The following PCDH15 variants were observed in gnomAD, a reference collection of about 807,000 sequenced individuals.
PCDH15 encodes the protein protocadherin related 15, also known as protocadherin-15.
A neutral mutation model predicts 178.5 loss-of-function variants in PCDH15; 129 were observed. The observed-to-expected ratio is 0.72, with a 90% CI of 0.63 to 0.84. The LOEUF (loss-of-function observed/expected upper bound fraction) is 0.84. PCDH15 is among the 40% of genes least tolerant of loss of function. The probability of loss-of-function intolerance (pLI) is 0.00; values close to 1 mark genes in which losing one functional copy is unlikely to be tolerated. For synonymous variants in PCDH15, 800 were observed against 732.0 expected (o/e 1.09, Z -1.50); for missense variants, 2,230 against 2,099.9 (o/e 1.06, Z -1.21).
At chr10:54,331,833 G>A (rs897545731) in intron 6 of PCDH15, among the ~76,000 whole-genome samples, 3 of 151,962 alleles carry the variant, frequency 2.0e-5, no homozygotes, top group Admixed American at 6.6e-5. Context: ...CTCTAAATGA[G>A]ATGAGTCTTG....
chr10:55,534,868 G>A (rs1222937235), intron 2 of PCDH15, among the ~76,000 whole-genome samples: 2 of 151,992 alleles, frequency 1.3e-5, no homozygotes, highest in Non-Finnish European at 2.9e-5. Flanking sequence ...ATGCACCATG[G>A]ACTACTACAC....
At chr10:53,857,017 G>A (rs781502932) in intron 28 of PCDH15, among the ~76,000 whole-genome samples, 158 bp downstream of exon 28, 8 of 151,988 alleles carry the variant, frequency 5.3e-5, no homozygotes, top group Non-Finnish European at 1.0e-4. Flanking sequence ...CACTATTTGG[G>A]TGGTTGGCAC....
At chr10:54,759,229 T>C (rs1947553499) in intron 1 of PCDH15, among the ~76,000 whole-genome samples, 1 of 152,214 alleles carries the variant, frequency 6.6e-6, no homozygotes. Context: ...AAATTATTTT[T>C]AGAAGTGTTC....
At chr10:55,406,560 G>A (rs966154909) in intron 2 of PCDH15, among the ~76,000 whole-genome samples, 36 of 152,176 alleles carry the variant, frequency 2.4e-4, no homozygotes, top group Admixed American at 9.2e-4. Flanking sequence ...ATCAGATGAG[G>A]TGGAGACAAT....
At chr10:55,530,780 T>A (rs1841435184) in intron 2 of PCDH15, among the ~76,000 whole-genome samples, 1 of 152,102 alleles carries the variant, frequency 6.6e-6, no homozygotes, top group South Asian at 2.1e-4. Flanking sequence ...TCTAAATATA[T>A]TTAATTAAAT....
At chr10:55,203,410 G>A (rs907692631) in intron 1 of PCDH15, among the ~76,000 whole-genome samples, 4 of 151,874 alleles carry the variant, frequency 2.6e-5, no homozygotes, top group Admixed American at 1.3e-4. Context: ...ATAATGCTAC[G>A]TGGAGAGTCC....
In PCDH15 at chr10:54,056,708, C is replaced by CA. The variant is rs569840622; in HGVS notation, c.2220+10048dup. Among the ~76,000 whole-genome samples the CA allele has an allele frequency of 1.1e-3, 175 of 152,222 alleles. 3 individuals carry two copies. The highest frequency in any genetic ancestry group is 3.4e-3 in the Middle Eastern group (1 of 294). On this transcript the variant is annotated intron_variant, in intron 18 of 37. Transcript: ENST00000644397. ...ATCCCATGTCCTCACATTTCAAAAC[C>CA]AATCATGCCTTCCAAAAGCCACCCA...
intron 20 of PCDH15, among the ~76,000 whole-genome samples, chr10:54,002,660 A>C (rs765171832): frequency 9.2e-5 from 14 of 152,346 alleles, no homozygotes; most frequent in Admixed American, 5.9e-4. Context: ...GAAAATACAA[A>C]GTATCAAAAC....
intron 1 of PCDH15, among the ~76,000 whole-genome samples, chr10:55,252,258 G>A (rs750353037): frequency 6.6e-6 from 1 of 151,856 alleles, no homozygotes; most frequent in Non-Finnish European, 1.5e-5. Flanking sequence ...GTATTTTCTC[G>A]GGCAACAGAT....
chr10:54,460,120 C>A (rs1246452183), intron 3 of PCDH15, among the ~76,000 whole-genome samples: 1 of 152,036 alleles, frequency 6.6e-6, no homozygotes, highest in Non-Finnish European at 1.5e-5. Context: ...TGAACTAAAA[C>A]AGAAGAATAA....
chr10:54,969,779 T>A lies in PCDH15; in HGVS notation c.-79-72279A>T, dbSNP rs191535366. On this transcript the variant is annotated intron_variant, in intron 2 of 5. Transcript: ENST00000458638. The stretch of plus-strand genomic sequence containing the variant: ...GTTCACTTCATTTGTCTCTCCTCTC[T>A]AAAGGAACACTGTTCTGATAACCAA... Among the ~76,000 whole-genome samples the A allele has an allele frequency of 8.1e-4, 123 of 152,334 alleles. 1 individual carries two copies. The highest frequency in any genetic ancestry group is 1.2e-3 in the Non-Finnish European group (80 of 68,022).
At chr10:55,244,494 G>A (rs537792989) in intron 1 of PCDH15, among the ~76,000 whole-genome samples, 37 of 151,812 alleles carry the variant, frequency 2.4e-4, no homozygotes, top group Non-Finnish European at 4.3e-4. Flanking sequence ...TATGGAATTC[G>A]TATCTCTGAA....
chr10:53,817,509 TC>T (rs2076104102), intron 34 of PCDH15, among the ~76,000 whole-genome samples: 1 of 150,344 alleles, frequency 6.7e-6, no homozygotes, highest in Non-Finnish European at 1.5e-5. Flanking sequence ...GTTTTTTTTT[TC>T]TTTTTCTTTT....
rs898757059 is a variant in PCDH15, at chr10:55,519,249, T to G, written c.-156+108376A>C. On this transcript the variant is annotated intron_variant, in intron 2 of 5. Coordinates refer to the PCDH15 transcript ENST00000613346. ...CATGTTTCTCTCCTCTTTCTTTAAT[T>G]TTTACAGATCACCCTCCAGCGAATT... 7.3e-5 allele frequency among the ~76,000 whole-genome samples: 11 copies of G among 150,186 alleles called. 1 individual carries two copies. The highest frequency in any genetic ancestry group is 4.0e-4 in the Admixed American group (6 of 15,042).
intron 1 of PCDH15, among the ~76,000 whole-genome samples, chr10:55,195,486 CAA>C (rs34476628): frequency 0.26 from 29,621 of 115,196 alleles, 3,467 homozygotes; most frequent in Non-Finnish European, 0.3. Context: ...ACTAAAAATA[CAA>C]AAAAAAAAAA....
intron 2 of PCDH15, among the ~76,000 whole-genome samples, chr10:54,539,784 A>G (rs1157696427): frequency 6.6e-6 from 1 of 152,204 alleles, no homozygotes; most frequent in African/African-American, 2.4e-5. Context: ...ACAAGTCTCA[A>G]AGAAATCAAA....
chr10:54,044,099 G>C (rs1042330715), intron 18 of PCDH15, among the ~76,000 whole-genome samples: 3 of 152,076 alleles, frequency 2.0e-5, no homozygotes, highest in Admixed American at 2.0e-4. Context: ...AGGAGGACAT[G>C]ACTGAGGATA....
At chr10:54,364,717 AT>A (rs1174498538) in intron 5 of PCDH15, among the ~76,000 whole-genome samples, 3 of 152,044 alleles carry the variant, frequency 2.0e-5, no homozygotes, top group Non-Finnish European at 2.9e-5. Flanking sequence ...AATTAATATA[AT>A]TTACTCTCAC....
chr10:54,915,558 C>T (rs1053816281), intron 2 of PCDH15, among the ~76,000 whole-genome samples: 1 of 152,088 alleles, frequency 6.6e-6, no homozygotes, highest in Non-Finnish European at 1.5e-5. Context: ...GGAAAAATTT[C>T]CATCTTGATA....
Sources: gnomAD v4.1 joint callset for allele counts (sites outside exome capture counted in the v4.1 genomes callset) on GRCh38, gnomAD v4.1.1 for gene constraint, MANE v1.5 for transcripts, NCBI Gene and HGNC (gene_info 2026-07-23, HGNC 2026-07-21) for gene names.